CWC22: variants seen among roughly 807,000 people sequenced by gnomAD.
The protein encoded by CWC22 is pre-mRNA-splicing factor CWC22 homolog.
A neutral mutation model predicts 117.2 loss-of-function variants in CWC22; 53 were observed. The ratio of observed to expected loss-of-function variants is 0.45; its 90% confidence interval spans 0.36 to 0.57. The LOEUF is 0.57. Ranked by LOEUF, CWC22 falls within the 20% of genes least tolerant of loss-of-function variation. The pLI, the probability that CWC22 is intolerant of heterozygous loss-of-function variation, is 0.00. For synonymous variants in CWC22, 360 were observed against 355.6 expected (o/e 1.01, Z -0.14); for missense variants, 980 against 1,068.8 (o/e 0.92, Z 1.16).
At chr2:179,960,503 TAC>T (rs1421995222) in intron 13 of CWC22, among the ~76,000 whole-genome samples, 1 of 152,002 alleles carries the variant, frequency 6.6e-6, no homozygotes, top group Admixed American at 6.6e-5. Context: ...TTTTAAGAAA[TAC>T]ATTCTTATTC....
chr2:179,966,178 TG>T (rs142111020), intron 11 of CWC22, among the ~76,000 whole-genome samples, 196 bp from the exon 12 acceptor site: 4,656 of 152,296 alleles, frequency 0.031, 228 homozygotes, highest in East Asian at 0.25. Flanking sequence ...TAAAGAGAGC[TG>T]TATGTATCAC....
chr2:179,982,284 G>A (rs896542124), intron 4 of CWC22, among the ~76,000 whole-genome samples: 11 of 152,174 alleles, frequency 7.2e-5, no homozygotes. Context: ...GAGCAGGGGT[G>A]TTAAGGTCAG....
chr2:179,967,423 T>C (rs1289612435), intron 11 of CWC22, among the ~76,000 whole-genome samples: 1 of 152,152 alleles, frequency 6.6e-6, no homozygotes, highest in Non-Finnish European at 1.5e-5. Context: ...CGGGGATCAC[T>C]GAGACCTGTG....
chr2:180,000,767 G>C lies in CWC22; in HGVS notation c.-114+6100C>G, dbSNP rs182703049. On this transcript the variant is annotated intron_variant, in intron 1 of 19. Transcript: ENST00000410053. ...TGACTGGTCTGCAACTCTGTGTGGA[G>C]AGTAGACAGCCCAAATTTTCAGACA... 4.0e-3 allele frequency among the ~76,000 whole-genome samples: 600 copies of C among 151,822 alleles called. 4 individuals carry two copies. Among genetic ancestry groups the C allele is most frequent in the African/African-American group, 0.014 (580 of 41,382 alleles).
At chr2:179,951,304 T>C (rs1015101885) in intron 17 of CWC22, among the ~76,000 whole-genome samples, 1 of 152,078 alleles carries the variant, frequency 6.6e-6, no homozygotes, top group African/African-American at 2.4e-5. Context: ...CTCTGTTGTG[T>C]ATGTACACGT....
chr2:179,959,919 A>G (rs1182411336), intron 13 of CWC22, among the ~76,000 whole-genome samples: 3 of 152,066 alleles, frequency 2.0e-5, no homozygotes, highest in Admixed American at 1.3e-4. Context: ...AGGCAAAAAT[A>G]AAAATAAGAG....
At chr2:179,973,171 A>C in intron 8 of CWC22, 22 bp downstream of exon 8, 2 of 1,558,194 alleles carry the variant, frequency 1.3e-6, no homozygotes, top group Non-Finnish European at 1.8e-6. Flanking sequence ...AATGGGACCA[A>C]GTATTGAAGA....
chr2:180,004,171 G>T (rs569070304), intron 1 of CWC22, among the ~76,000 whole-genome samples: 1 of 152,326 alleles, frequency 6.6e-6, no homozygotes, highest in South Asian at 2.1e-4. Flanking sequence ...CAGGCACCAT[G>T]AACAAACCAT....
At chr2:179,968,574 CTT>C (rs891386676) in intron 11 of CWC22, among the ~76,000 whole-genome samples, 4 of 146,510 alleles carry the variant, frequency 2.7e-5, no homozygotes, top group African/African-American at 1.0e-4. Context: ...AACAATTTTT[CTT>C]TTTTTTTTTG....
At chr2:179,990,408 CATTCTGAAAG>C in intron 2 of CWC22, among the ~76,000 whole-genome samples, 1 of 151,974 alleles carries the variant, frequency 6.6e-6, no homozygotes, top group Non-Finnish European at 1.5e-5. Context: ...CCTGTGTAGA[CATTCTGAAAG>C]ATACAATAGA....
At chr2:179,990,304 C>CAAAGCAA (rs1687527266) in intron 2 of CWC22, among the ~76,000 whole-genome samples, 1 of 152,024 alleles carries the variant, frequency 6.6e-6, no homozygotes, top group Non-Finnish European at 1.5e-5. Context: ...ACATAAAGAT[C>CAAAGCAA]TTAGGTCAAA....
intron 1 of CWC22, among the ~76,000 whole-genome samples, chr2:180,002,336 G>A (rs1228349791): frequency 6.6e-6 from 1 of 152,174 alleles, no homozygotes; most frequent in Non-Finnish European, 1.5e-5. Flanking sequence ...GTATATAGGA[G>A]GCTGGGGGAA....
chr2:180,005,928 G>A (rs1457991703), intron 1 of CWC22, among the ~76,000 whole-genome samples: 1 of 152,122 alleles, frequency 6.6e-6, no homozygotes, highest in Non-Finnish European at 1.5e-5. Flanking sequence ...CATCACCCAG[G>A]ACCAACACAA....
chr2:179,967,402 T>G (rs755745421), intron 11 of CWC22, among the ~76,000 whole-genome samples: 1 of 152,226 alleles, frequency 6.6e-6, no homozygotes, highest in Non-Finnish European at 1.5e-5. Context: ...AAGCATGGTC[T>G]AGGAGTCCAT....
At chr2:179,992,180 T>C (rs144997816) in intron 2 of CWC22, among the ~76,000 whole-genome samples, 3 of 152,356 alleles carry the variant, frequency 2.0e-5, no homozygotes, top group East Asian at 1.9e-4. Flanking sequence ...CCCCCTTTAC[T>C]GACTCCAAGG....
At chr2:179,956,035 A>C (rs944268274) in intron 14 of CWC22, among the ~76,000 whole-genome samples, 5 of 152,068 alleles carry the variant, frequency 3.3e-5, no homozygotes, top group African/African-American at 4.8e-5. Context: ...AGCATATAAA[A>C]ACGTGTTGCT....
chr2:179,981,535 T>C (rs550385563), intron 5 of CWC22, among the ~76,000 whole-genome samples: 1 of 152,242 alleles, frequency 6.6e-6, no homozygotes, highest in South Asian at 2.1e-4. Flanking sequence ...TTTTAATTCA[T>C]TCATGCAAAA....
intron 14 of CWC22, among the ~76,000 whole-genome samples, chr2:179,955,238 C>G (rs977233144): frequency 6.6e-6 from 1 of 151,932 alleles, no homozygotes; most frequent in Admixed American, 6.6e-5. Flanking sequence ...CTTCCACAGT[C>G]ATTTATGCTA....
chr2:179,965,754 T>G (rs1210953741), intron 12 of CWC22, 124 bp downstream of exon 12: 1 of 795,804 alleles, frequency 1.3e-6, no homozygotes, highest in African/African-American at 1.8e-5. Flanking sequence ...AGTCTTCACC[T>G]CCTAGACGCC....
Sources: gnomAD v4.1 joint callset for allele counts (sites outside exome capture counted in the v4.1 genomes callset) on GRCh38, gnomAD v4.1.1 for gene constraint, MANE v1.5 for transcripts, NCBI Gene and HGNC (gene_info 2026-07-23, HGNC 2026-07-21) for gene names.